TEX11: variants seen among roughly 807,000 people sequenced by gnomAD.
TEX11 encodes testis-expressed protein 11.
Under a neutral mutation model 84.4 loss-of-function variants are expected in TEX11, and 7 were observed. That is an observed-to-expected ratio of 0.08 (90% confidence interval 0.05 to 0.16). TEX11 has a LOEUF of 0.16. Ranked by LOEUF, TEX11 falls within the 10% of genes least tolerant of loss-of-function variation. The probability of loss-of-function intolerance (pLI) is 1.00; values close to 1 mark genes in which losing one functional copy is unlikely to be tolerated. For missense variants in TEX11, 551 were observed against 660.5 expected, an observed-to-expected ratio of 0.83 and a Z score of 1.82; for synonymous variants, 264 against 222.8, an observed-to-expected ratio of 1.18 and a Z score of -1.64.
chrX:70,531,002 T>A (rs759502407), intron 28 of TEX11, among the ~76,000 whole-genome samples: 4 of 110,744 alleles, frequency 3.6e-5, no homozygotes, highest in Non-Finnish European at 7.6e-5. Flanking sequence ...CTACTCCTCA[T>A]CCTTGTCCAC....
chrX:70,566,846 G>A (rs1215205421), intron 25 of TEX11, among the ~76,000 whole-genome samples: 1 of 111,835 alleles, frequency 8.9e-6, no homozygotes, highest in Non-Finnish European at 1.9e-5. Context: ...GTTCTTCAAG[G>A]ATATTGGTCT....
Position 70,853,303 on chromosome X carries a change from C to A in TEX11, c.350G>T (p.Trp117Leu). 8.3e-7 allele frequency: 1 copy of A among 1,202,988 alleles called. No individual in the cohort carries two copies. Among genetic ancestry groups the A allele is most frequent in the Non-Finnish European group, 1.1e-6 (1 of 887,945 alleles). Residue 117 changes from tryptophan (W) to leucine (L), a missense_variant, in exon 6 of 30, where the codon TGG becomes TTG. Trp to Leu is a moderately conservative substitution (Grantham distance 61). Transcript: ENST00000374333. ...GATTAGAAAATTTCCAGCATCCAAC[C>A]ATTCTTTTCCTATTCTCATATTCAT... ...IMMNMRIGKEWLDAGNFLIAD... is the reference protein window; with the variant it reads ...IMMNMRIGKELLDAGNFLIAD...
At chrX:70,774,209 T>C (rs2147779651) in intron 9 of TEX11, among the ~76,000 whole-genome samples, 1 of 103,685 alleles carries the variant, frequency 9.6e-6, no homozygotes, top group South Asian at 4.6e-4. Context: ...AAGCACAAAC[T>C]ACAAAGAATA....
At chrX:70,597,808 C>T (rs180715648) in intron 24 of TEX11, among the ~76,000 whole-genome samples, 192 of 111,812 alleles carry the variant, frequency 1.7e-3, no homozygotes, top group Admixed American at 4.4e-3. Flanking sequence ...AAAAGACAAA[C>T]CACAGAACAG....
chrX:70,821,863 T>G (rs1352656773), intron 8 of TEX11, among the ~76,000 whole-genome samples: 2 of 111,160 alleles, frequency 1.8e-5, no homozygotes, highest in Non-Finnish European at 3.8e-5. Flanking sequence ...AGTAGGAAGG[T>G]TAATAAAAAA....
At chrX:70,556,332 T>TA (rs889152623) in intron 25 of TEX11, among the ~76,000 whole-genome samples, 1 of 110,780 alleles carries the variant, frequency 9.0e-6, no homozygotes, top group African/African-American at 3.3e-5. Flanking sequence ...TTCATTCAAT[T>TA]AAAAAAAATT....
At chrX:70,659,313 G>T (rs1480385324) in intron 16 of TEX11, among the ~76,000 whole-genome samples, 5 of 111,816 alleles carry the variant, frequency 4.5e-5, no homozygotes, top group African/African-American at 1.6e-4. Flanking sequence ...TTTTGGTAAG[G>T]GGTTAATATC....
chrX:70,569,533 G>T (rs1438248169), intron 25 of TEX11, among the ~76,000 whole-genome samples: 4 of 111,061 alleles, frequency 3.6e-5, no homozygotes, highest in Non-Finnish European at 7.5e-5. Context: ...CCATCTTTGT[G>T]GTTTTATCTA....
At chrX:70,752,965 C>T (rs73220898) in intron 9 of TEX11, among the ~76,000 whole-genome samples, 13,894 of 109,788 alleles carry the variant, frequency 0.13, 769 homozygotes, top group Middle Eastern at 0.25. Flanking sequence ...GAAAGAAAAG[C>T]AGGACCAATC....
At chrX:70,623,758 G>C (rs1013621209) in intron 20 of TEX11, among the ~76,000 whole-genome samples, 192 bp downstream of exon 20, 16 of 101,171 alleles carry the variant, frequency 1.6e-4, no homozygotes, top group African/African-American at 5.4e-4. Context: ...GAAGCCCAGA[G>C]ACATTAAGAA....
chrX:70,769,210 A>T (rs1019509068), intron 9 of TEX11, among the ~76,000 whole-genome samples: 1 of 111,615 alleles, frequency 9.0e-6, no homozygotes, highest in Non-Finnish European at 1.9e-5. Flanking sequence ...AGAGGGGGGA[A>T]ATTATAGATT....
At position 70,698,921 on chromosome X, in the gene TEX11, A is replaced by G. The variant is rs142589126; in HGVS notation, c.1005-16096T>C. ...ACTAGTCTCTAAAGATGTACTCCCA[A>G]TAAATTATGCTTCCTAGTATTCATG... On this transcript the variant is annotated intron_variant, in intron 13 of 29. Transcript: ENST00000374333. Among the ~76,000 whole-genome samples the G allele has an allele frequency of 5.0e-3, 556 of 111,964 alleles. 3 individuals carry two copies. Among genetic ancestry groups the G allele is most frequent in the African/African-American group, 0.017 (527 of 30,846 alleles).
At chrX:70,812,023 T>C (rs1002187477) in intron 8 of TEX11, among the ~76,000 whole-genome samples, 1 of 111,493 alleles carries the variant, frequency 9.0e-6, no homozygotes, top group Admixed American at 9.6e-5. Flanking sequence ...AGAAGCTCTT[T>C]AGTTTAATTA....
chrX:70,750,929 AAAAAATAT>A (rs1245407314), intron 9 of TEX11, among the ~76,000 whole-genome samples: 3 of 26,669 alleles, frequency 1.1e-4, no homozygotes, highest in African/African-American at 1.9e-4. Flanking sequence ...AATAAAAAAA[AAAAAATAT>A]ATATATATAT....
intron 2 of TEX11, among the ~76,000 whole-genome samples, chrX:70,905,314 G>A (rs2091823818): frequency 9.0e-6 from 1 of 110,866 alleles, no homozygotes; most frequent in African/African-American, 3.3e-5. Flanking sequence ...GACAGAGTGA[G>A]ACTCTGTCTC....
intron 16 of TEX11, among the ~76,000 whole-genome samples, chrX:70,667,263 G>A (rs1009397866): frequency 2.7e-5 from 3 of 111,771 alleles, no homozygotes; most frequent in African/African-American, 9.8e-5. Context: ...AGACTGTATG[G>A]CCTGCAAAAC....
intron 7 of TEX11, among the ~76,000 whole-genome samples, chrX:70,845,275 C>T (rs2091472804): frequency 9.0e-6 from 1 of 110,660 alleles, no homozygotes; most frequent in South Asian, 3.9e-4. Context: ...GATTCTCCTG[C>T]CTCAGTCTCC....
chrX:70,602,683 T>G (rs1270649172), intron 24 of TEX11, among the ~76,000 whole-genome samples: 1 of 107,847 alleles, frequency 9.3e-6, no homozygotes. Flanking sequence ...TTCAACATAG[T>G]GTTGGAAGTT....
intron 16 of TEX11, among the ~76,000 whole-genome samples, chrX:70,654,883 T>A (rs1313524210): frequency 9.1e-6 from 1 of 110,089 alleles, no homozygotes; most frequent in Non-Finnish European, 1.9e-5. Context: ...TTTTTAGAAG[T>A]GGCACACCTA....
Sources: gnomAD v4.1 joint callset for allele counts (sites outside exome capture counted in the v4.1 genomes callset) on GRCh38, gnomAD v4.1.1 for gene constraint, MANE v1.5 for transcripts, NCBI Gene and HGNC (gene_info 2026-07-23, HGNC 2026-07-21) for gene names.